GRB2: variants seen among roughly 807,000 people sequenced by gnomAD.
GRB2 encodes the protein growth factor receptor-bound protein 2.
In GRB2, 2 loss-of-function variants were observed where a neutral mutation model predicts 27.4. The ratio of observed to expected loss-of-function variants is 0.07; its 90% CI spans 0.03 to 0.23. The LOEUF (loss-of-function observed/expected upper bound fraction) is 0.23. GRB2 is among the 10% of genes least tolerant of loss of function. The pLI, the probability that GRB2 is intolerant of heterozygous loss-of-function variation, is 1.00. For synonymous variants in GRB2, 94 were observed against 99.6 expected (o/e 0.94, Z 0.33); for missense variants, 102 against 282.4 (o/e 0.36, Z 4.58).
chr17:75,328,892 C>T (rs144391073), intron 3 of GRB2, among the ~76,000 whole-genome samples: 1,596 of 151,944 alleles, frequency 0.011, 31 homozygotes, highest in South Asian at 0.05. Context: ...GAGCCGAGAT[C>T]GCGCCACTGC....
At chr17:75,391,916 A>G (rs1167065672) in intron 2 of GRB2, among the ~76,000 whole-genome samples, 1 of 152,166 alleles carries the variant, frequency 6.6e-6, no homozygotes, top group Non-Finnish European at 1.5e-5. Context: ...TTAGAGAAAA[A>G]TATGAACCAC....
chr17:75,365,169 C>A (rs986702635), intron 2 of GRB2, among the ~76,000 whole-genome samples: 2 of 152,072 alleles, frequency 1.3e-5, no homozygotes, highest in African/African-American at 4.8e-5. Flanking sequence ...GTGTCCGACA[C>A]CAACCCCACT....
intron 2 of GRB2, among the ~76,000 whole-genome samples, chr17:75,370,634 T>C (rs1056998801): frequency 2.6e-5 from 4 of 152,218 alleles, no homozygotes; most frequent in Admixed American, 2.0e-4. Context: ...CTCACTTTTT[T>C]AGCAGCAAAG....
At chr17:75,322,170 C>T (rs564767719) in intron 4 of GRB2, among the ~76,000 whole-genome samples, 50 of 152,160 alleles carry the variant, frequency 3.3e-4, no homozygotes, top group Non-Finnish European at 5.3e-4. Context: ...GTCGGGAGTT[C>T]GAGACCAGCC....
At chr17:75,382,521 T>C (rs143091794) in intron 2 of GRB2, among the ~76,000 whole-genome samples, 362 of 152,320 alleles carry the variant, frequency 2.4e-3, no homozygotes, top group African/African-American at 8.2e-3. Context: ...TTGAGTGCCA[T>C]GCTGGCGCTC....
chr17:75,381,388 T>G (rs2078926522), intron 2 of GRB2, among the ~76,000 whole-genome samples: 1 of 152,120 alleles, frequency 6.6e-6, no homozygotes, highest in African/African-American at 2.4e-5. Flanking sequence ...ATCTATTCTT[T>G]TTCCCCAGCA....
chr17:75,342,140 C>T (rs944512842), intron 2 of GRB2, among the ~76,000 whole-genome samples: 5 of 152,142 alleles, frequency 3.3e-5, no homozygotes, highest in Non-Finnish European at 7.3e-5. Context: ...CTGCTTCAAT[C>T]TTATAGTATT....
chr17:75,375,211 A>G (rs559715827), intron 2 of GRB2, among the ~76,000 whole-genome samples: 6 of 152,212 alleles, frequency 3.9e-5, no homozygotes, highest in Admixed American at 6.5e-5. Flanking sequence ...CCTGATCTAC[A>G]TAATTCTATC....
At chr17:75,347,329 G>A (rs2078661959) in intron 2 of GRB2, among the ~76,000 whole-genome samples, 1 of 152,098 alleles carries the variant, frequency 6.6e-6, no homozygotes, top group Non-Finnish European at 1.5e-5. Flanking sequence ...TTCCCATTTG[G>A]TAGGCTTTCC....
intron 4 of GRB2, among the ~76,000 whole-genome samples, chr17:75,323,810 T>TC (rs202121908): frequency 8.4e-4 from 126 of 149,908 alleles, no homozygotes; most frequent in Admixed American, 1.6e-3. Context: ...TCTTTTCTTT[T>TC]TTTTTTTTTT....
At chr17:75,358,700 TAAAAAAAAAAAAAA>T (rs71159497) in intron 2 of GRB2, among the ~76,000 whole-genome samples, 2 of 66,284 alleles carry the variant, frequency 3.0e-5, no homozygotes, top group Non-Finnish European at 6.0e-5. Flanking sequence ...CCATCTCTAC[TAAAAAAAAAAAAAA>T]AAAAAAAAAA....
At chr17:75,347,751 G>A (rs989681340) in intron 2 of GRB2, among the ~76,000 whole-genome samples, 2 of 152,208 alleles carry the variant, frequency 1.3e-5, no homozygotes, top group African/African-American at 2.4e-5. Flanking sequence ...GAGCTGGTGC[G>A]CAACCAAGAC....
intron 2 of GRB2, chr17:75,372,611 T>C (rs1411106175): frequency 6.6e-6 from 1 of 152,248 alleles, no homozygotes; most frequent in Non-Finnish European, 1.5e-5. Flanking sequence ...GGTTGTCCAA[T>C]GATAATTTCT....
chr17:75,382,349 CTT>C (rs1413255199), intron 2 of GRB2, among the ~76,000 whole-genome samples: 10 of 152,030 alleles, frequency 6.6e-5, no homozygotes, highest in Non-Finnish European at 1.5e-4. Flanking sequence ...AAGAAAAAAA[CTT>C]TCACTATGTT....
chr17:75,332,387 C>CA (rs984094359), intron 3 of GRB2, among the ~76,000 whole-genome samples: 3 of 151,380 alleles, frequency 2.0e-5, no homozygotes, highest in Admixed American at 6.6e-5. Flanking sequence ...TTCTAAAACT[C>CA]AAAAAAAATG....
At chr17:75,339,042 C>A in intron 2 of GRB2, 3 of 1,262,012 alleles carry the variant, frequency 2.4e-6, no homozygotes, top group South Asian at 1.2e-5. Flanking sequence ...GGCTTGAGTG[C>A]GTTGAGCCCA....
chr17:75,337,713 G>A (rs1437067608), intron 2 of GRB2, among the ~76,000 whole-genome samples: 1 of 150,246 alleles, frequency 6.7e-6, no homozygotes, highest in Admixed American at 6.6e-5. Flanking sequence ...TGGGACTACA[G>A]GCGTCTGCAA....
intron 1 of GRB2, among the ~76,000 whole-genome samples, chr17:75,402,762 T>C (rs374859250): frequency 1.3e-5 from 2 of 152,240 alleles, no homozygotes. Flanking sequence ...TGCACTACAA[T>C]GTCCTTGCAT....
chr17:75,390,564 T>C (rs1389595048), intron 2 of GRB2, among the ~76,000 whole-genome samples: 1 of 152,220 alleles, frequency 6.6e-6, no homozygotes, highest in Non-Finnish European at 1.5e-5. Context: ...CACAAGCTTT[T>C]ATAAGAGAGA....
Sources: gnomAD v4.1 joint callset for allele counts (sites outside exome capture counted in the v4.1 genomes callset) on GRCh38, gnomAD v4.1.1 for gene constraint, MANE v1.5 for transcripts, NCBI Gene and HGNC (gene_info 2026-07-23, HGNC 2026-07-21) for gene names.